The following MTR variants were observed in gnomAD, a reference collection of about 807,000 sequenced individuals.
The protein encoded by MTR is 5-methyltetrahydrofolate-homocysteine methyltransferase.
Under a neutral mutation model 154.8 loss-of-function variants are expected in MTR, and 84 were observed. The ratio of observed to expected loss-of-function variants is 0.54; its 90% CI spans 0.45 to 0.65. The LOEUF (loss-of-function observed/expected upper bound fraction) is 0.65. Ranked by LOEUF, MTR falls within the 30% of genes least tolerant of loss-of-function variation. The pLI, the probability that MTR is intolerant of heterozygous loss-of-function variation, is 0.00. For missense variants in MTR, 1,275 were observed against 1,570.2 expected, an observed-to-expected ratio of 0.81 and a Z score of 3.18; for synonymous variants, 554 against 553.9, an observed-to-expected ratio of 1.00 and a Z score of 0.00.
chr1:236,795,322 T>G lies in MTR; in HGVS notation c.-382T>G. On this transcript the variant is annotated 5_prime_UTR_variant, in exon 1 of 33. It removes an upstream start codon present in the reference 5' UTR. Transcript: ENST00000366577. ...TAACCGCGCTCTGAAAGGTTCTAAA[T>G]GTCTGCGGGGCTCAGAGCCGGATGT... 1.6e-6 allele frequency: 2 copies of G among 1,272,072 alleles called. No homozygotes were observed. The highest frequency in any genetic ancestry group is 2.0e-6 in the Non-Finnish European group (2 of 983,948). The allele number at this position is 1,272,072 out of a possible 1,614,324, so 78.8% of individuals were successfully genotyped here.
chr1:236,827,274 T>C (rs1461348235), intron 11 of MTR, among the ~76,000 whole-genome samples: 2 of 130,856 alleles, frequency 1.5e-5, no homozygotes. Context: ...TCCTCCAGAT[T>C]GTGAGAAAAT....
intron 1 of MTR, among the ~76,000 whole-genome samples, chr1:236,799,655 A>G (rs961860442): frequency 2.0e-5 from 3 of 152,198 alleles, no homozygotes; most frequent in African/African-American, 7.2e-5. Flanking sequence ...TGTACAAGGA[A>G]CTAACACAAA....
chr1:236,861,305 A>G (rs755088360), intron 20 of MTR, 28 bp downstream of exon 20: 11 of 1,613,602 alleles, frequency 6.8e-6, no homozygotes, highest in Non-Finnish European at 9.3e-6. Context: ...AGAAATTTTC[A>G]CAGTTGCATC....
intron 4 of MTR, among the ~76,000 whole-genome samples, 177 bp from the exon 5 acceptor site, chr1:236,810,326 C>T (rs1412481379): frequency 1.3e-5 from 2 of 152,078 alleles, no homozygotes; most frequent in Non-Finnish European, 2.9e-5. Context: ...TAGGAGAGGT[C>T]AAGTTTTATT....
intron 30 of MTR, chr1:236,894,935 A>C: frequency 2.8e-6 from 1 of 353,852 alleles, no homozygotes; most frequent in Non-Finnish European, 5.3e-6. Context: ...TGTCATCTAT[A>C]GATTCTTCAT....
At position 236,850,529 on chromosome 1, in the gene MTR, T is replaced by A. The variant is rs1323769172; in HGVS notation, c.1695+6T>A. 6.2e-7 allele frequency: 1 copy of A among 1,612,952 alleles called. No homozygotes were observed. Among genetic ancestry groups the A allele is most frequent in the Admixed American group, 1.7e-5 (1 of 59,978 alleles). ...ATGCAACAAAAGTCATTAAAGTAAG[T>A]GTAGGCATGTTCTCTCCCAAGTCAT... On this transcript the variant is annotated splice_donor_region_variant and intron_variant, in intron 16 of 32. Transcript: ENST00000366577.
intron 19 of MTR, among the ~76,000 whole-genome samples, chr1:236,860,208 A>G (rs1664455878): frequency 6.6e-6 from 1 of 151,964 alleles, no homozygotes; most frequent in Non-Finnish European, 1.5e-5. Context: ...TGCCCAGGAC[A>G]GCCCCAAACC....
intron 12 of MTR, among the ~76,000 whole-genome samples, chr1:236,829,851 C>CA (rs1404027990): frequency 2.0e-5 from 3 of 152,056 alleles, no homozygotes; most frequent in Admixed American, 6.5e-5. Flanking sequence ...GTCATCAGGC[C>CA]AATTGTTAGA....
Position 236,889,350 on chromosome 1 carries a change from GTCCT to G in MTR, c.3007+20_3007+23del. The G allele has an allele frequency of 1.9e-6, 3 of 1,614,120 alleles. No individual in the cohort carries two copies. In the South Asian group the frequency reaches 3.3e-5, roughly 18 times the overall value. ...ACAAAACAGTAGGTTAGTGCAGTAAGTCCTTCCTTTCTGCCTCTGATATTCAAGC... is the reference window on the plus strand; with the variant it reads ...ACAAAACAGTAGGTTAGTGCAGTAAGTCCTTTCTGCCTCTGATATTCAAGC... On this transcript the variant is annotated intron_variant, in intron 28 of 32. Transcript: ENST00000366577.
intron 24 of MTR, among the ~76,000 whole-genome samples, chr1:236,875,471 C>T (rs1665377997): frequency 6.6e-6 from 1 of 152,178 alleles, no homozygotes; most frequent in African/African-American, 2.4e-5. Flanking sequence ...TTCCTGGGAT[C>T]ATGATCATAG....
chr1:236,799,097 G>A (rs1011102165), intron 1 of MTR, among the ~76,000 whole-genome samples: 2 of 151,942 alleles, frequency 1.3e-5, no homozygotes, highest in Non-Finnish European at 2.9e-5. Context: ...GGAAAAATAA[G>A]CAAGTAGTTG....
rs1056644991 is a variant in MTR at position 236,812,642 on chromosome 1, A to G, written c.503-96A>G. 2.2e-5 allele frequency: 20 copies of G among 915,120 alleles called. No homozygotes were observed. The African/African-American group carries it at 3.3e-4, about 15-fold the overall frequency. 56.7% of individuals were successfully genotyped at this position (915,120 alleles called of 1,614,324 possible). A position where few individuals can be genotyped will look rare whatever the true frequency, so the allele number is the denominator to read the frequency against. On this transcript the variant is annotated intron_variant, in intron 5 of 32. Transcript: ENST00000366577. ...CTTAAACTATGCATTGTAAACCAGC[A>G]ATAGTTCACAGGTGCCAGACCTACA...
At chr1:236,798,005 A>G (rs923962740) in intron 1 of MTR, among the ~76,000 whole-genome samples, 1 of 152,022 alleles carries the variant, frequency 6.6e-6, no homozygotes, top group Non-Finnish European at 1.5e-5. Context: ...AACAAAGTGT[A>G]GCAAGTCTGT....
Position 236,883,295 on chromosome 1 carries a change from C to T in MTR, c.2677-1826C>T, listed in dbSNP as rs181854155. ...TTGGTGGAAGGATCATGTAGGTTAGCGCACATATTGACCATGAACTTGTTT... is the reference window on the plus strand; with the variant it reads ...TTGGTGGAAGGATCATGTAGGTTAGTGCACATATTGACCATGAACTTGTTT... On this transcript the variant is annotated intron_variant, in intron 25 of 32. Coordinates refer to ENST00000366577, the MANE Select transcript of MTR (RefSeq NM_000254.3). Among the ~76,000 whole-genome samples the T allele has an allele frequency of 2.2e-3, 331 of 152,196 alleles. 2 individuals are homozygous for T. Among genetic ancestry groups the T allele is most frequent in the African/African-American group, 7.2e-3 (298 of 41,518 alleles).
intron 18 of MTR, among the ~76,000 whole-genome samples, chr1:236,858,206 T>C (rs1170968162): frequency 6.6e-6 from 1 of 152,178 alleles, no homozygotes; most frequent in Non-Finnish European, 1.5e-5. Flanking sequence ...CGGTTCCACG[T>C]GGCTGGGGAG....
At chr1:236,844,569 A>T (rs922463938) in intron 15 of MTR, among the ~76,000 whole-genome samples, 2 of 151,778 alleles carry the variant, frequency 1.3e-5, no homozygotes, top group African/African-American at 4.8e-5. Flanking sequence ...GGAGGAACTG[A>T]TGCAGGAGAT....
intron 8 of MTR, chr1:236,820,298 T>C (rs1174006063): frequency 5.3e-6 from 4 of 752,866 alleles, no homozygotes; most frequent in Non-Finnish European, 9.7e-6. Flanking sequence ...GAAAAGACTG[T>C]GACCAAGGAG....
chr1:236,865,209 G>A (rs3768141), intron 22 of MTR, among the ~76,000 whole-genome samples: 53,126 of 152,128 alleles, frequency 0.35, 10,070 homozygotes, highest in Non-Finnish European at 0.41. Flanking sequence ...TGGGCACTGA[G>A]GGTTTGCGTA....
intron 24 of MTR, among the ~76,000 whole-genome samples, chr1:236,876,131 A>G (rs185886335): frequency 2.6e-5 from 4 of 152,376 alleles, no homozygotes; most frequent in Admixed American, 2.0e-4. Flanking sequence ...TCACAGTAAC[A>G]TTTAGGTTGT....
Sources: gnomAD v4.1 joint callset for allele counts (sites outside exome capture counted in the v4.1 genomes callset) on GRCh38, gnomAD v4.1.1 for gene constraint, MANE v1.5 for transcripts, NCBI Gene and HGNC (gene_info 2026-07-23, HGNC 2026-07-21) for gene names.